The following ZNRF2 variants were observed in gnomAD, a reference collection of about 807,000 sequenced individuals.
ZNRF2 encodes the protein zinc and ring finger 2.
In ZNRF2, 16 loss-of-function variants were observed where a neutral mutation model predicts 20.4. The observed-to-expected ratio is 0.79, with a 90% CI of 0.53 to 1.19. The LOEUF (loss-of-function observed/expected upper bound fraction) is 1.19, where lower values mean the gene tolerates loss of function less well. ZNRF2 is among the 50% of genes most tolerant of loss of function. ZNRF2 has a pLI of 0.00. For missense variants in ZNRF2, 363 were observed against 332.4 expected, an observed-to-expected ratio of 1.09 and a Z score of -0.72; for synonymous variants, 178 against 144.9, an observed-to-expected ratio of 1.23 and a Z score of -1.64.
intron 1 of ZNRF2, among the ~76,000 whole-genome samples, chr7:30,302,218 A>C (rs577557948): frequency 6.6e-6 from 1 of 152,340 alleles, no homozygotes; most frequent in African/African-American, 2.4e-5. Context: ...ATGTGAATAT[A>C]TGATAGTGGT....
intron 2 of ZNRF2, among the ~76,000 whole-genome samples, chr7:30,349,629 T>C (rs1799934046): frequency 6.6e-6 from 1 of 152,072 alleles, no homozygotes; most frequent in Non-Finnish European, 1.5e-5. Flanking sequence ...GCTGGACTCT[T>C]TTATTGCCAC....
chr7:30,327,351 A>C lies in ZNRF2; in HGVS notation c.565+3614A>C, dbSNP rs370284486. Among the ~76,000 whole-genome samples the C allele has an allele frequency of 2.0e-5, 3 of 152,144 alleles. No individual in the cohort carries two copies. In the South Asian group the frequency reaches 6.2e-4, roughly 31 times the overall value. On this transcript the variant is annotated intron_variant, in intron 2 of 4. Coordinates refer to ENST00000323037, the MANE Select transcript of ZNRF2 (RefSeq NM_147128.4). ...TGGCGTGGGGTAGGGGTCCAGTTTC[A>C]ATCTTCTGCATATGGCTAGCTAGTT...
intron 2 of ZNRF2, among the ~76,000 whole-genome samples, chr7:30,336,305 G>T (rs185739674): frequency 6.6e-6 from 1 of 152,196 alleles, no homozygotes; most frequent in African/African-American, 2.4e-5. Flanking sequence ...TGCCTCAGAA[G>T]TGGCCATAAG....
Position 30,360,117 on chromosome 7 carries a change from T to C in ZNRF2, c.672-2260T>C, listed in dbSNP as rs142684365. Among the ~76,000 whole-genome samples the C allele has an allele frequency of 4.2e-3, 635 of 152,330 alleles. 4 individuals carry two copies. Among genetic ancestry groups the C allele is most frequent in the African/African-American group, 0.015 (611 of 41,592 alleles). On this transcript the variant is annotated intron_variant, in intron 3 of 4. Transcript: ENST00000323037. ...TACATATATGCCCTAGAGAAACTCT[T>C]GATCTTTTGCTCTAAGACAGTGCTA... is the stretch of plus-strand genomic sequence containing the variant.
At position 30,293,754 on chromosome 7, in the gene ZNRF2, G is replaced by C. The variant is rs1230298960; in HGVS notation, c.469+7928G>C. Among the ~76,000 whole-genome samples, 37 of 152,202 alleles carry C rather than the reference G, an allele frequency of 2.4e-4. 1 individual carries two copies. Among genetic ancestry groups the C allele is most frequent in the Admixed American group, 2.4e-3 (37 of 15,284 alleles). ...GTGCAGATTGGTGGATATATTTCGA[G>C]TAATGTCACCTATCAGAGTCATTAT... On this transcript the variant is annotated intron_variant, in intron 1 of 4. Coordinates refer to ENST00000323037, the MANE Select transcript of ZNRF2 (RefSeq NM_147128.4).
At chr7:30,348,931 G>C (rs1266246871) in intron 2 of ZNRF2, among the ~76,000 whole-genome samples, 1 of 152,100 alleles carries the variant, frequency 6.6e-6, no homozygotes, top group East Asian at 1.9e-4. Flanking sequence ...AAAAACAGTA[G>C]TAGATATGCA....
At chr7:30,342,785 G>T (rs907899127) in intron 2 of ZNRF2, among the ~76,000 whole-genome samples, 6 of 152,062 alleles carry the variant, frequency 3.9e-5, no homozygotes, top group Admixed American at 2.6e-4. Context: ...CTGTTTCAAA[G>T]GTTCCGATAA....
chr7:30,331,337 AT>A (rs1379311445), intron 2 of ZNRF2, among the ~76,000 whole-genome samples: 3 of 152,212 alleles, frequency 2.0e-5, no homozygotes, highest in Admixed American at 1.3e-4. Flanking sequence ...AATAGGAAAT[AT>A]GGGAAAAAAT....
chr7:30,294,748 G>GT (rs1798980201), intron 1 of ZNRF2, among the ~76,000 whole-genome samples: 1 of 151,178 alleles, frequency 6.6e-6, no homozygotes, highest in Non-Finnish European at 1.5e-5. Context: ...TCACACCACT[G>GT]TACTCCAGCC....
intron 1 of ZNRF2, among the ~76,000 whole-genome samples, chr7:30,302,363 T>C (rs1799131277): frequency 6.6e-6 from 1 of 152,222 alleles, no homozygotes; most frequent in South Asian, 2.1e-4. Context: ...TGTTTACTTA[T>C]TCATTTAGTC....
intron 1 of ZNRF2, among the ~76,000 whole-genome samples, chr7:30,309,375 T>A (rs1016983428): frequency 2.6e-5 from 4 of 152,234 alleles, no homozygotes; most frequent in African/African-American, 4.8e-5. Flanking sequence ...CTCAGAAATT[T>A]ATCACTTCTC....
At chr7:30,317,308 A>G (rs994364993) in intron 1 of ZNRF2, among the ~76,000 whole-genome samples, 1 of 122,102 alleles carries the variant, frequency 8.2e-6, no homozygotes, top group Non-Finnish European at 1.8e-5. Flanking sequence ...AATTTGGGAG[A>G]TAAGATCTAC....
At chr7:30,287,059 C>T (rs1207857328) in intron 1 of ZNRF2, among the ~76,000 whole-genome samples, 3 of 152,170 alleles carry the variant, frequency 2.0e-5, no homozygotes, top group African/African-American at 4.8e-5. Flanking sequence ...ATTGGAACGA[C>T]GCTTGACTTT....
At chr7:30,302,904 G>A (rs1270680808) in intron 1 of ZNRF2, among the ~76,000 whole-genome samples, 1 of 152,154 alleles carries the variant, frequency 6.6e-6, no homozygotes, top group Non-Finnish European at 1.5e-5. Context: ...AGTTTATCCT[G>A]TAGAATACTG....
intron 1 of ZNRF2, among the ~76,000 whole-genome samples, chr7:30,297,279 T>C (rs565465948): frequency 6.6e-6 from 1 of 152,216 alleles, no homozygotes; most frequent in South Asian, 2.1e-4. Context: ...TTGATTATCC[T>C]ATGAGATCTG....
intron 1 of ZNRF2, among the ~76,000 whole-genome samples, chr7:30,295,082 T>A (rs1428812968): frequency 3.4e-5 from 5 of 148,418 alleles, no homozygotes; most frequent in African/African-American, 7.6e-5. Flanking sequence ...TGTGTGTGTG[T>A]GTGTGTGTGT....
At chr7:30,343,134 G>A (rs1050797350) in intron 2 of ZNRF2, among the ~76,000 whole-genome samples, 1 of 152,056 alleles carries the variant, frequency 6.6e-6, no homozygotes, top group African/African-American at 2.4e-5. Context: ...GCAACATAGT[G>A]AGACCGTATC....
chr7:30,315,004 G>A (rs2128061055), intron 1 of ZNRF2, among the ~76,000 whole-genome samples: 1 of 152,112 alleles, frequency 6.6e-6, no homozygotes, highest in East Asian at 1.9e-4. Context: ...TTTTAGTAGA[G>A]ATGGGGTTTC....
rs1443847245 is a variant in ZNRF2 at position 30,284,750 on chromosome 7, C to A, written c.-608C>A. The A allele has an allele frequency of 5.6e-6, 1 of 179,260 alleles. No individual in the cohort carries two copies. The highest frequency in any genetic ancestry group is 1.2e-5 in the Non-Finnish European group (1 of 82,278). 11.1% of individuals were successfully genotyped at this position (179,260 alleles called of 1,614,324 possible). ...CTCCTTCGCAGGGGGAGCGAGGCGA[C>A]GGTTGCCGGGAAGCGCGCGCCACCT... On this transcript the variant is annotated 5_prime_UTR_variant, in exon 1 of 5. Transcript: ENST00000323037.
Sources: gnomAD v4.1 joint callset for allele counts (sites outside exome capture counted in the v4.1 genomes callset) on GRCh38, gnomAD v4.1.1 for gene constraint, MANE v1.5 for transcripts, NCBI Gene and HGNC (gene_info 2026-07-23, HGNC 2026-07-21) for gene names.